SCTR: variants seen among roughly 807,000 people sequenced by gnomAD.
The protein encoded by SCTR is pancreatic secretin receptor.
Under a neutral mutation model 60.8 loss-of-function variants are expected in SCTR, and 56 were observed. The ratio of observed to expected loss-of-function variants is 0.92; its 90% CI spans 0.74 to 1.15. The LOEUF (loss-of-function observed/expected upper bound fraction) is 1.15, where lower values mean the gene tolerates loss of function less well. Ranked by LOEUF, SCTR falls within the 50% of genes most tolerant of loss-of-function variation. SCTR has a pLI of 0.00. For missense variants in SCTR, 562 were observed against 550.4 expected (o/e 1.02, Z -0.21); for synonymous variants, 202 against 217.0 (o/e 0.93, Z 0.61).
chr2:119,473,428 G>T (rs41279772), intron 4 of SCTR, 25 bp downstream of exon 4: 17,006 of 1,535,136 alleles, frequency 0.011, 204 homozygotes, highest in South Asian at 0.04. Flanking sequence ...CCCCGGGTTC[G>T]TGGGGTGGAG....
intron 3 of SCTR, chr2:119,476,471 T>C (rs1260343665): frequency 1.3e-5 from 2 of 152,160 alleles, no homozygotes; most frequent in Admixed American, 6.5e-5. Context: ...CCAGCTTCCA[T>C]CCTCACGTTG....
intron 6 of SCTR, among the ~76,000 whole-genome samples, chr2:119,462,323 T>C (rs1297004680): frequency 3.3e-5 from 5 of 152,180 alleles, no homozygotes; most frequent in African/African-American, 9.7e-5. Flanking sequence ...CTGTGTCGGA[T>C]ACTGCCCAAT....
At chr2:119,524,119 T>G (rs771432438) in intron 1 of SCTR, 36 bp downstream of exon 1, 1 of 1,523,240 alleles carries the variant, frequency 6.6e-7, no homozygotes. Flanking sequence ...TGTCGCTCCC[T>G]CGGGTCCCCA....
intron 2 of SCTR, among the ~76,000 whole-genome samples, chr2:119,492,823 A>T (rs1678186800): frequency 7.0e-6 from 1 of 143,582 alleles, no homozygotes; most frequent in Non-Finnish European, 1.5e-5. Context: ...CCTTTATTTT[A>T]CTTTTTTAAT....
At chr2:119,512,761 G>C (rs928984994) in intron 1 of SCTR, among the ~76,000 whole-genome samples, 1 of 152,062 alleles carries the variant, frequency 6.6e-6, no homozygotes, top group African/African-American at 2.4e-5. Flanking sequence ...TGAATGTTTT[G>C]TTTCATACAT....
At chr2:119,460,359 T>C (rs1201126134) in intron 7 of SCTR, among the ~76,000 whole-genome samples, 1 of 152,088 alleles carries the variant, frequency 6.6e-6, no homozygotes, top group Non-Finnish European at 1.5e-5. Context: ...CGTTCATGTT[T>C]ATCAAATGAG....
intron 2 of SCTR, among the ~76,000 whole-genome samples, chr2:119,490,586 C>T (rs965537194): frequency 2.0e-5 from 3 of 152,192 alleles, no homozygotes; most frequent in Admixed American, 6.5e-5. Flanking sequence ...TTTATTCCTT[C>T]CTCCAATTGC....
chr2:119,458,331 G>T (rs969163996), intron 7 of SCTR, among the ~76,000 whole-genome samples: 2 of 150,502 alleles, frequency 1.3e-5, no homozygotes, highest in African/African-American at 4.9e-5. Context: ...GCCGGGCGTG[G>T]TGGCTCACGC....
intron 1 of SCTR, among the ~76,000 whole-genome samples, chr2:119,503,755 T>G (rs1046996244): frequency 6.6e-6 from 1 of 152,172 alleles, no homozygotes; most frequent in East Asian, 1.9e-4. Flanking sequence ...TCAAAACCCA[T>G]AGAATATACA....
chr2:119,524,156 G>A lies in SCTR; in HGVS notation c.71C>T (p.Ser24Leu), dbSNP rs1273727757. ...CCTGCAGAAGGGCGCAGTACTCACC[G>A]AGTGCGCGGCGCAGGCGAGCAGCAC... ...LPVLLACAAHSTGALPRLCDV... is the reference protein window; with the variant it reads ...LPVLLACAAHLTGALPRLCDV... The change falls in exon 1 of 13, where the codon TCG becomes TTG. Residue 24 changes from serine to leucine, a missense_variant and splice_region_variant. Coordinates refer to ENST00000019103, the MANE Select transcript of SCTR (RefSeq NM_002980.3). The A allele has an allele frequency of 1.3e-6, 2 of 1,538,812 alleles. No individual in the cohort carries two copies. The highest frequency in any genetic ancestry group is 1.8e-6 in the Non-Finnish European group (2 of 1,141,038).
chr2:119,497,992 C>T (rs1474075857), intron 1 of SCTR, among the ~76,000 whole-genome samples: 2 of 152,008 alleles, frequency 1.3e-5, no homozygotes, highest in African/African-American at 4.8e-5. Flanking sequence ...CTGAAAACTT[C>T]CCAAATTTGG....
intron 1 of SCTR, among the ~76,000 whole-genome samples, chr2:119,498,825 T>A (rs2587675): frequency 0.86 from 130,269 of 151,970 alleles, 55,920 homozygotes; most frequent in African/African-American, 0.9. Context: ...GAAATAAAAA[T>A]CTTAGAGAAC....
rs930875211 is a variant in SCTR at position 119,478,922 on chromosome 2, C to T, written c.194-4G>A. 1.1e-5 allele frequency: 17 copies of T among 1,613,956 alleles called. No individual in the cohort carries two copies. The highest frequency in any genetic ancestry group is 1.3e-5 in the Non-Finnish European group (15 of 1,179,958). ...TTGTCCCACATCCCCTCACAACCTG[C>T]CAAGAAAAGCAGCATCAGACAAGGA... is the stretch of plus-strand genomic sequence containing the variant. On this transcript the variant is annotated splice_polypyrimidine_tract_variant and splice_region_variant and intron_variant, in intron 2 of 12. Coordinates refer to ENST00000019103, the MANE Select transcript of SCTR (RefSeq NM_002980.3).
intron 7 of SCTR, among the ~76,000 whole-genome samples, chr2:119,453,647 G>A (rs1280507983): frequency 1.3e-5 from 2 of 152,346 alleles, no homozygotes; most frequent in African/African-American, 4.8e-5. Context: ...AAAGTATAGA[G>A]GGGCTGGGAC....
At chr2:119,460,039 G>A (rs112625873) in intron 7 of SCTR, among the ~76,000 whole-genome samples, 8 of 152,004 alleles carry the variant, frequency 5.3e-5, no homozygotes, top group South Asian at 4.2e-4. Context: ...CCGATGGCCC[G>A]GGGTCAGGTG....
At chr2:119,508,175 G>T (rs1006633328) in intron 1 of SCTR, among the ~76,000 whole-genome samples, 2 of 152,096 alleles carry the variant, frequency 1.3e-5, no homozygotes, top group Non-Finnish European at 2.9e-5. Flanking sequence ...TTGAAGGAAA[G>T]GGACGTGCCT....
chr2:119,504,606 A>T (rs1342732345), intron 1 of SCTR, among the ~76,000 whole-genome samples: 1 of 151,948 alleles, frequency 6.6e-6, no homozygotes, highest in African/African-American at 2.4e-5. Flanking sequence ...ATAAAAATTA[A>T]AAATAAATAA....
chr2:119,463,494 T>C (rs1683700007), intron 6 of SCTR, among the ~76,000 whole-genome samples: 1 of 152,150 alleles, frequency 6.6e-6, no homozygotes, highest in South Asian at 2.1e-4. Flanking sequence ...AAAGACTGTG[T>C]CCCTCATGGT....
At chr2:119,470,817 C>T (rs1676976830) in intron 4 of SCTR, among the ~76,000 whole-genome samples, 2 of 152,248 alleles carry the variant, frequency 1.3e-5, no homozygotes, top group Non-Finnish European at 2.9e-5. Context: ...TCTTGTGCCT[C>T]AGCCTCCCAA....
Sources: allele counts gnomAD v4.1 joint callset (sites outside exome capture counted in the v4.1 genomes callset), GRCh38; gene constraint gnomAD v4.1.1; transcripts MANE v1.5; gene names NCBI Gene and HGNC (gene_info 2026-07-23, HGNC 2026-07-21).